Variants in DOCK3 observed in about 807,000 individuals in gnomAD.
The protein encoded by DOCK3 is dedicator of cytokinesis protein 3.
In DOCK3, 60 loss-of-function variants were observed where a neutral mutation model predicts 265.6. That is an observed-to-expected ratio of 0.23 (90% CI 0.18 to 0.28). The LOEUF (loss-of-function observed/expected upper bound fraction) is 0.28, where lower values mean the gene tolerates loss of function less well. Ranked by LOEUF, DOCK3 falls within the 10% of genes least tolerant of loss-of-function variation. The pLI is 1.00. For synonymous variants in DOCK3, 881 were observed against 938.0 expected (o/e 0.94, Z 1.11); for missense variants, 1,981 against 2,594.3 (o/e 0.76, Z 5.14).
intron 2 of DOCK3, among the ~76,000 whole-genome samples, chr3:50,810,392 A>G (rs2043674960): frequency 6.6e-6 from 1 of 152,068 alleles, no homozygotes; most frequent in African/African-American, 2.4e-5. Flanking sequence ...CTCTACTAAA[A>G]ACACAAAAAT....
chr3:51,300,168 G>C (rs1576708348), intron 27 of DOCK3, among the ~76,000 whole-genome samples: 1 of 152,232 alleles, frequency 6.6e-6, no homozygotes, highest in East Asian at 1.9e-4. Context: ...TATTCTCTTT[G>C]TAGCAGTTGT....
chr3:51,201,052 A>C (rs1447857452), intron 12 of DOCK3, among the ~76,000 whole-genome samples: 4 of 152,166 alleles, frequency 2.6e-5, no homozygotes, highest in East Asian at 3.9e-4. Flanking sequence ...AACAACCGGT[A>C]CCAGCCGCTG....
At chr3:51,150,978 C>T (rs1035513463) in intron 10 of DOCK3, among the ~76,000 whole-genome samples, 4 of 152,122 alleles carry the variant, frequency 2.6e-5, no homozygotes, top group Non-Finnish European at 5.9e-5. Context: ...GTCTAAGTCT[C>T]TTTGTAGGTC....
At chr3:51,257,496 G>A (rs1045961339) in intron 22 of DOCK3, among the ~76,000 whole-genome samples, 15 of 152,216 alleles carry the variant, frequency 9.9e-5, no homozygotes, top group African/African-American at 2.9e-4. Context: ...TGGTTATATT[G>A]TTTGTTCACA....
At chr3:50,714,867 C>T (rs1576203616) in intron 1 of DOCK3, among the ~76,000 whole-genome samples, 1 of 152,204 alleles carries the variant, frequency 6.6e-6, no homozygotes, top group African/African-American at 2.4e-5. Flanking sequence ...CACTTTTACT[C>T]CTTTTCACCC....
At chr3:50,805,771 G>GCTGCTCAGCTTTCCTGGGTGCATGT (rs2043374059) in intron 2 of DOCK3, among the ~76,000 whole-genome samples, 2 of 152,330 alleles carry the variant, frequency 1.3e-5, no homozygotes, top group African/African-American at 4.8e-5. Context: ...TGGGTGAGTG[G>GCTGCTCAGCTTTCCTGGGTGCATGT]CTGCTCAGCT....
intron 1 of DOCK3, among the ~76,000 whole-genome samples, chr3:50,723,232 C>T (rs563816734): frequency 6.6e-6 from 1 of 152,258 alleles, no homozygotes; most frequent in Admixed American, 6.5e-5. Flanking sequence ...AGAGATTACC[C>T]ATACCAAACC....
chr3:51,225,228 T>C (rs2090278092), intron 14 of DOCK3, among the ~76,000 whole-genome samples: 1 of 152,062 alleles, frequency 6.6e-6, no homozygotes, highest in Admixed American at 6.5e-5. Flanking sequence ...AAAGTATAAA[T>C]CTATAAAAGA....
chr3:51,233,361 T>TTTA (rs71084136), intron 19 of DOCK3, among the ~76,000 whole-genome samples: 1,159 of 10,398 alleles, frequency 0.11, 12 homozygotes, highest in African/African-American at 0.19. Context: ...TATCTATCTA[T>TTTA]TTATTTATTT....
intron 22 of DOCK3, among the ~76,000 whole-genome samples, chr3:51,247,229 T>C (rs965595723): frequency 1.3e-5 from 2 of 152,154 alleles, no homozygotes; most frequent in Non-Finnish European, 2.9e-5. Context: ...AAGAGCTGAG[T>C]GGATGCACTG....
In DOCK3 at chr3:51,296,511, C is replaced by G. The variant is rs765982805; in HGVS notation, c.2923-13721C>G. Among the ~76,000 whole-genome samples, 9 of 148,680 alleles carry G rather than the reference C, an allele frequency of 6.1e-5. 1 individual carries two copies. The South Asian group carries it at 1.7e-3, about 28-fold the overall frequency. ...TTTTTTTTTGAGATGGAGTCTTGCT[C>G]TGTTGCCTGGGCTGGAGTGCAGTGG... On this transcript the variant is annotated intron_variant, in intron 27 of 52. Transcript: ENST00000266037.
chr3:51,338,231 G>A lies in DOCK3; in HGVS notation c.3612-128G>A, dbSNP rs2084992567. 7.3e-6 allele frequency: 7 copies of A among 953,912 alleles called. No individual in the cohort carries two copies. The South Asian group carries it at 9.3e-5, about 13-fold the overall frequency. The allele number at this position is 953,912 out of a possible 1,614,324, so 59.1% of individuals were successfully genotyped here. ...CACAGTAGAGTCCTTATCTATGGAA[G>A]CAGTTCCTGTTGGAGGCCATCTCAA... On this transcript the variant is annotated intron_variant, in intron 35 of 52. Transcript: ENST00000266037.
rs192157551 is a variant in DOCK3, at chr3:51,185,883, A to G, written c.1038-22891A>G. Among the ~76,000 whole-genome samples, 83 of 152,284 alleles carry G rather than the reference A, an allele frequency of 5.5e-4. No individual in the cohort carries two copies. The East Asian group carries it at 0.013, about 25-fold the overall frequency. On this transcript the variant is annotated intron_variant, in intron 12 of 52. Coordinates refer to ENST00000266037, the MANE Select transcript of DOCK3 (RefSeq NM_004947.5). ...TCCACCATGATTGTGAGGCCTCCCC[A>G]GCCATGTGTAACTGTGAGTCCAGTT...
At chr3:50,915,222 T>C (rs2050053027) in intron 4 of DOCK3, among the ~76,000 whole-genome samples, 1 of 151,936 alleles carries the variant, frequency 6.6e-6, no homozygotes, top group African/African-American at 2.4e-5. Context: ...GCATCCCCAA[T>C]CCAATAGAAC....
intron 9 of DOCK3, among the ~76,000 whole-genome samples, chr3:51,127,467 A>G (rs1043713296): frequency 6.6e-6 from 1 of 152,248 alleles, no homozygotes; most frequent in Admixed American, 6.5e-5. Context: ...TATCCTTCAC[A>G]TAACCGGAAA....
chr3:51,223,162 T>C (rs1382642982), intron 14 of DOCK3, among the ~76,000 whole-genome samples: 1 of 152,178 alleles, frequency 6.6e-6, no homozygotes, highest in African/African-American at 2.4e-5. Flanking sequence ...GTTTGGACTC[T>C]TAGCCTCAAA....
intron 2 of DOCK3, among the ~76,000 whole-genome samples, chr3:50,814,308 C>T (rs2043940562): frequency 6.6e-6 from 1 of 152,084 alleles, no homozygotes; most frequent in Admixed American, 6.5e-5. Flanking sequence ...GCCCTGTCGC[C>T]CAGGCTGGAG....
chr3:51,234,963 G>A (rs1420313191), intron 19 of DOCK3, among the ~76,000 whole-genome samples: 1 of 152,330 alleles, frequency 6.6e-6, no homozygotes, highest in Non-Finnish European at 1.5e-5. Flanking sequence ...GTAATGGAAT[G>A]TAGGCTAGAG....
intron 2 of DOCK3, among the ~76,000 whole-genome samples, chr3:50,798,886 G>T (rs2042927012): frequency 6.6e-6 from 1 of 152,100 alleles, no homozygotes; most frequent in Admixed American, 6.6e-5. Context: ...TTTACTTTCA[G>T]TTGATTTTTG....
Sources: allele counts gnomAD v4.1 joint callset (sites outside exome capture counted in the v4.1 genomes callset), GRCh38; gene constraint gnomAD v4.1.1; transcripts MANE v1.5; gene names NCBI Gene and HGNC (gene_info 2026-07-23, HGNC 2026-07-21).